ACTN3: variants seen among roughly 807,000 people sequenced by gnomAD.
The protein encoded by ACTN3 is alpha-actinin-3.
Under a neutral mutation model 119.6 loss-of-function variants are expected in ACTN3, and 91 were observed. The observed-to-expected ratio is 0.76, with a 90% CI of 0.64 to 0.91. The LOEUF is 0.91. Among genes scored for constraint, ACTN3 ranks in the 40% least tolerant of loss-of-function variants. The pLI is 0.00. For missense variants in ACTN3, 1,221 were observed against 1,215.1 expected, an observed-to-expected ratio of 1.00 and a Z score of -0.07; for synonymous variants, 456 against 478.8, an observed-to-expected ratio of 0.95 and a Z score of 0.62.
intron 5 of ACTN3, 93 bp downstream of exon 5, chr11:66,554,716 G>A: frequency 9.4e-7 from 1 of 1,063,928 alleles, no homozygotes; most frequent in Non-Finnish European, 1.4e-6. Flanking sequence ...CACTGAGCTG[G>A]TCTCTGTCAC....
chr11:66,551,354 G>C lies in ACTN3; in HGVS notation c.262+1G>C. The C allele has an allele frequency of 6.2e-7, 1 of 1,600,698 alleles. No individual in the cohort carries two copies. The highest frequency in any genetic ancestry group is 8.5e-7 in the Non-Finnish European group (1 of 1,173,536). On this transcript the variant is annotated splice_donor_variant, in intron 2 of 20. Transcript: ENST00000513398. LOFTEE classifies it high-confidence loss of function. ...ATGCTGCTCCTGGAGGTCATTTCAG[G>C]TGAGGATGGCAAATCAGTGCACCTG...
chr11:66,560,210 C>G lies in ACTN3; in HGVS notation c.1576C>G (p.Leu526Val). 3 of 1,611,246 alleles carry G rather than the reference C, an allele frequency of 1.9e-6. No homozygotes were observed. The highest frequency in any genetic ancestry group is 2.5e-6 in the Non-Finnish European group (3 of 1,178,792). Residue 526 changes from leucine to valine, a missense_variant, in exon 14 of 21, where the codon CTG (leucine) becomes GTG (valine). Physicochemically the swap from Leu to Val is conservative, Grantham distance 32. Around this residue, in one of 3 missense-constraint regions of ACTN3, gnomAD observed 934 missense variants for 899.9 expected, o/e 1.04. Coordinates refer to ENST00000513398, the MANE Select transcript of ACTN3 (RefSeq NM_001104.4). ...KLLETIDRLQLEFARRAAPFN... is the reference protein window; with the variant it reads ...KLLETIDRLQVEFARRAAPFN... ...CCTGGAGACCATTGACCGGCTGCAA[C>G]TGGAGTTTGCCCGGCGGGCCGCGCC... is the stretch of plus-strand genomic sequence containing the variant.
intron 9 of ACTN3, 81 bp from the exon 10 acceptor site, chr11:66,557,618 C>A: frequency 1.4e-6 from 2 of 1,456,026 alleles, no homozygotes; most frequent in East Asian, 2.5e-5. Flanking sequence ...TGGCCACAGC[C>A]TGGGTGTGGG....
rs749548324 is a variant in ACTN3, at chr11:66,559,282, A to ACAGGAGGTG, written c.1325_1333dup (p.Gln442_Val444dup). ...AGCGCGACTACGATTCGGCTTTGCT[A>ACAGGAGGTG]CAGGAGGTGCGGGCGTTGCTGCGGC... On this transcript the variant is annotated inframe_insertion, in exon 12 of 21. Coordinates refer to ENST00000513398, the MANE Select transcript of ACTN3 (RefSeq NM_001104.4). The ACAGGAGGTG allele has an allele frequency of 6.4e-7, 1 of 1,573,612 alleles. No homozygotes were observed. The highest frequency in any genetic ancestry group is 8.6e-7 in the Non-Finnish European group (1 of 1,162,200).
chr11:66,559,186 C>T, intron 11 of ACTN3, 50 bp from the exon 12 acceptor site: 1 of 1,442,224 alleles, frequency 6.9e-7, no homozygotes, highest in Non-Finnish European at 9.1e-7. Context: ...CGCCGCGCAC[C>T]CCTGCCCCTG....
At position 66,559,271 on chromosome 11, in the gene ACTN3, T is replaced by C; in HGVS notation, c.1312T>C (p.Ser438Pro). ...EEMLSQRDYD[S>P]ALLQEVRALL... ...GATGCTGAGCCAGCGCGACTACGAT[T>C]CGGCTTTGCTACAGGAGGTGCGGGC... The change falls in exon 12 of 21, where the codon TCG (serine) becomes CCG (proline). Residue 438 changes from serine (S) to proline (P), a missense_variant. Physicochemically the swap from Ser to Pro is moderately conservative, Grantham distance 74. Transcript: ENST00000513398. 1 of 1,565,036 alleles carries C rather than the reference T, an allele frequency of 6.4e-7. No individual in the cohort carries two copies. Among genetic ancestry groups the C allele is most frequent in the African/African-American group, 1.4e-5 (1 of 70,800 alleles).
At chr11:66,549,100 C>T (rs957303645) in intron 1 of ACTN3, among the ~76,000 whole-genome samples, 1 of 152,232 alleles carries the variant, frequency 6.6e-6, no homozygotes, top group Non-Finnish European at 1.5e-5. Flanking sequence ...GCTGCCCCTC[C>T]GGCCTGCCTC....
chr11:66,558,953 A>T, intron 11 of ACTN3: 2 of 334,828 alleles, frequency 6.0e-6, no homozygotes, highest in Non-Finnish European at 1.1e-5. Context: ...CATGGGGGTT[A>T]CAGAATCGTT....
chr11:66,562,781 C>T lies in ACTN3; in HGVS notation c.2389-15C>T, dbSNP rs1857812736. 1.9e-6 allele frequency: 3 copies of T among 1,594,962 alleles called. No individual in the cohort carries two copies. The highest frequency in any genetic ancestry group is 8.6e-7 in the Non-Finnish European group (1 of 1,169,134). ...TAGTGCTCATGGGCATAGTGCCTGG[C>T]CTCTATCCCTGCAGGGGGAAGTGGA... On this transcript the variant is annotated splice_polypyrimidine_tract_variant and intron_variant, in intron 19 of 20. Transcript: ENST00000513398.
intron 11 of ACTN3, 46 bp from the exon 12 acceptor site, chr11:66,559,184 ACCCCTG>A: frequency 2.1e-6 from 3 of 1,416,956 alleles, no homozygotes; most frequent in South Asian, 1.7e-5. Context: ...CCCGCCGCGC[ACCCCTG>A]CCCCTGCCGC....
intron 1 of ACTN3, 50 bp downstream of exon 1, chr11:66,547,134 G>A: frequency 6.9e-7 from 1 of 1,453,844 alleles, no homozygotes; most frequent in East Asian, 2.5e-5. Flanking sequence ...TGAGAGGCCG[G>A]GCTGTTTGTC....
intron 8 of ACTN3, 116 bp downstream of exon 8, chr11:66,556,346 C>A: frequency 1.1e-6 from 1 of 950,364 alleles, no homozygotes; most frequent in Non-Finnish European, 1.6e-6. Flanking sequence ...GTGCCAGCTG[C>A]ACACACTCAG....
intron 12 of ACTN3, 67 bp from the exon 13 acceptor site, chr11:66,559,901 C>T: frequency 6.8e-7 from 1 of 1,472,656 alleles, no homozygotes. Flanking sequence ...AGGTTCCAGC[C>T]CTGGGAGTGC....
rs1344389227 is a variant in ACTN3, at chr11:66,562,921, T to C, written c.2514T>C (p.Val838=). The change falls in exon 20 of 21, where the codon GTT becomes GTC. Residue 838 remains valine, a synonymous_variant. Transcript: ENST00000513398. The stretch of plus-strand genomic sequence containing the variant: ...CCGAGACTGACACGACTGAGCAAGT[T>C]GTAGCTTCCTTCAAGATCTTGGCAG... ...ETAETDTTEQ[V]VASFKILAGD... is the part of the protein sequence containing the mutation. The C allele has an allele frequency of 6.2e-7, 1 of 1,613,498 alleles. No homozygotes were observed. Among genetic ancestry groups the C allele is most frequent in the Non-Finnish European group, 8.5e-7 (1 of 1,179,664 alleles).
intron 3 of ACTN3, among the ~76,000 whole-genome samples, chr11:66,552,512 G>A (rs947999744): frequency 4.6e-5 from 7 of 152,154 alleles, no homozygotes; most frequent in Admixed American, 2.6e-4. Context: ...AGACTGAAGC[G>A]GAAGGATTGT....
chr11:66,560,152 C>G lies in ACTN3; in HGVS notation c.1537-19C>G, dbSNP rs773834360. The G allele has an allele frequency of 6.3e-7, 1 of 1,585,002 alleles. No homozygotes were observed. Among genetic ancestry groups the G allele is most frequent in the Non-Finnish European group, 8.6e-7 (1 of 1,165,924 alleles). The stretch of plus-strand genomic sequence containing the variant: ...GTCTGCAGGGCAGGCTTCTGACCCA[C>G]TACGCCTCCCACCTCTAGCGGATGG... On this transcript the variant is annotated intron_variant, in intron 13 of 20. Transcript: ENST00000513398.
intron 9 of ACTN3, 111 bp downstream of exon 9, chr11:66,557,336 GGCTTCCTCCCA>G (rs1157610684): frequency 9.4e-7 from 1 of 1,068,368 alleles, no homozygotes; most frequent in East Asian, 2.6e-5. Context: ...GAGTAGCCCT[GGCTTCCTCCCA>G]GCCTCCTCCT....
At chr11:66,557,954 G>A (rs1448066357) in intron 10 of ACTN3, 25 bp downstream of exon 10, 2 of 1,613,210 alleles carry the variant, frequency 1.2e-6, no homozygotes, top group Non-Finnish European at 1.7e-6. Flanking sequence ...CATTCCCTAG[G>A]TGACCTTGAG....
chr11:66,560,798 C>T (rs749227595), intron 15 of ACTN3, 43 bp downstream of exon 15: 2 of 1,560,246 alleles, frequency 1.3e-6, no homozygotes, highest in Non-Finnish European at 1.7e-6. Context: ...CTCCTGCATA[C>T]TGTGACCACC....
Sources: gnomAD v4.1 joint callset for allele counts (sites outside exome capture counted in the v4.1 genomes callset) on GRCh38, gnomAD v4.1.1 for gene constraint, gnomAD v4.1.1 regional missense constraint, MANE v1.5 for transcripts, NCBI Gene and HGNC (gene_info 2026-07-23, HGNC 2026-07-21) for gene names.